PRDM11: variants seen among roughly 807,000 people sequenced by gnomAD.
The protein encoded by PRDM11 is PR domain-containing protein 11.
PRDM11 carries 20 observed loss-of-function variants against 97.8 expected under a neutral mutation model. The ratio of observed to expected loss-of-function variants is 0.20; its 90% CI spans 0.14 to 0.30. The LOEUF is 0.30. Ranked by LOEUF, PRDM11 falls within the 10% of genes least tolerant of loss-of-function variation. PRDM11 has a pLI of 1.00. For missense variants in PRDM11, 1,139 were observed against 1,555.2 expected (o/e 0.73, Z 4.50); for synonymous variants, 599 against 637.7 (o/e 0.94, Z 0.91).
intron 5 of PRDM11, chr11:45,209,311 C>A (rs3781705): frequency 0.36 from 128,665 of 353,512 alleles, 26,462 homozygotes; most frequent in Non-Finnish European, 0.45. Context: ...TATCACCAGT[C>A]CCCCCCGCCA....
At chr11:45,213,100 A>C (rs1201796028) in intron 5 of PRDM11, 2 of 455,454 alleles carry the variant, frequency 4.4e-6, no homozygotes, top group African/African-American at 4.0e-5. Context: ...TGGCCTCACA[A>C]CAGGGGCCAG....
chr11:45,139,568 C>CAAAAAAAAAA (rs10594529), intron 1 of PRDM11, among the ~76,000 whole-genome samples: 2 of 91,426 alleles, frequency 2.2e-5, no homozygotes, highest in Middle Eastern at 6.0e-3. Flanking sequence ...CTCCAACTCA[C>CAAAAAAAAAA]AAAAAAAAAA....
In PRDM11 at chr11:45,154,280, T is replaced by C. The variant is rs1468320284; in HGVS notation, c.-7+7403T>C. Among the ~76,000 whole-genome samples the C allele has an allele frequency of 5.3e-5, 8 of 152,250 alleles. No individual in the cohort carries two copies. The South Asian group carries it at 1.0e-3, about 20-fold the overall frequency. On this transcript the variant is annotated intron_variant, in intron 1 of 7. Coordinates refer to ENST00000683152, the MANE Select transcript of PRDM11 (RefSeq NM_001384648.1). ...CTGAGGCGGGAAGATCACTGGACCC[T>C]GGGAGATCGAGGCTGTGATGAGCTG...
chr11:45,182,208 A>T lies in PRDM11; in HGVS notation c.120-38A>T, dbSNP rs376996631. 7.0e-6 allele frequency: 11 copies of T among 1,580,582 alleles called. No homozygotes were observed. The African/African-American group carries it at 1.5e-4, about 21-fold the overall frequency. Reference sequence around the variant, plus strand: ...CCCACTGGGCTCTCACTCTCTGATGACTTCTTTGCTTTCTTTGCGGGCCTC... The same window carrying T: ...CCCACTGGGCTCTCACTCTCTGATGTCTTCTTTGCTTTCTTTGCGGGCCTC... On this transcript the variant is annotated intron_variant, in intron 2 of 7. Coordinates refer to ENST00000683152, the MANE Select transcript of PRDM11 (RefSeq NM_001384648.1).
At chr11:45,113,809 TGTGTG>T in intron 1 of PRDM11, among the ~76,000 whole-genome samples, 1 of 142,694 alleles carries the variant, frequency 7.0e-6, no homozygotes, top group South Asian at 2.2e-4. Flanking sequence ...TGTGTGTGTG[TGTGTG>T]TGTGTGTGTG....
chr11:45,230,899 T>C lies in PRDM11; in HGVS notation c.*2740T>C, dbSNP rs2135867289. ...AGAAGGGGAAAAGCTTATGGGCCAGTGCCAGTGCCTACCCTGTAGTTCCTG... is the reference window on the plus strand; with the variant it reads ...AGAAGGGGAAAAGCTTATGGGCCAGCGCCAGTGCCTACCCTGTAGTTCCTG... On this transcript the variant is annotated 3_prime_UTR_variant, in exon 8 of 8. Transcript: ENST00000683152. 1 of 152,414 alleles carries C rather than the reference T, an allele frequency of 6.6e-6. No individual in the cohort carries two copies. Among genetic ancestry groups the C allele is most frequent in the East Asian group, 1.9e-4 (1 of 5,178 alleles). 9.4% of individuals were successfully genotyped at this position (152,414 alleles called of 1,614,324 possible). A position where few individuals can be genotyped will look rare whatever the true frequency, so the allele number is the denominator to read the frequency against.
intron 5 of PRDM11, among the ~76,000 whole-genome samples, chr11:45,211,671 A>T (rs1853741456): frequency 1.3e-5 from 2 of 152,194 alleles, no homozygotes; most frequent in African/African-American, 4.8e-5. Context: ...TGCTGCAGTG[A>T]TTTAAAGATG....
rs1854404246 is a variant in PRDM11 at position 45,231,837 on chromosome 11, C to G, written c.*3678C>G. The G allele has an allele frequency of 6.6e-6, 1 of 152,070 alleles. No homozygotes were observed. Among genetic ancestry groups the G allele is most frequent in the Non-Finnish European group, 1.5e-5 (1 of 68,024 alleles). The allele number at this position is 152,070 out of a possible 1,614,324, so 9.4% of individuals were successfully genotyped here. A position where few individuals can be genotyped will look rare whatever the true frequency, so the allele number is the denominator to read the frequency against. ...AATATGAGAGTCCAGGCATCAGAAA[C>G]AGCAGCCTTATTTAATTTAATTTTT... On this transcript the variant is annotated 3_prime_UTR_variant, in exon 8 of 8. Coordinates refer to ENST00000683152, the MANE Select transcript of PRDM11 (RefSeq NM_001384648.1).
At chr11:45,216,481 G>A (rs1240665222) in intron 5 of PRDM11, among the ~76,000 whole-genome samples, 1 of 152,158 alleles carries the variant, frequency 6.6e-6, no homozygotes, top group Admixed American at 6.6e-5. Flanking sequence ...GTTCTGGGGG[G>A]TGGTCGAGCC....
At chr11:45,163,721 A>G (rs566748179) in intron 1 of PRDM11, among the ~76,000 whole-genome samples, 2 of 152,320 alleles carry the variant, frequency 1.3e-5, no homozygotes, top group East Asian at 1.9e-4. Context: ...AAGTGAGACT[A>G]TGGAGCTTGC....
chr11:45,145,099 G>A (rs190724713), upstream of PRDM11, among the ~76,000 whole-genome samples: 1 of 152,024 alleles, frequency 6.6e-6, no homozygotes, highest in Admixed American at 6.5e-5. Context: ...ACTGTCTCTT[G>A]AGCATCTACT....
chr11:45,212,840 C>T (rs1004307427), intron 5 of PRDM11: 7 of 447,306 alleles, frequency 1.6e-5, no homozygotes, highest in South Asian at 4.8e-5. Flanking sequence ...GCTGACCAGC[C>T]GTGTCGGTCA....
intron 7 of PRDM11, 98 bp from the exon 8 acceptor site, chr11:45,225,897 T>G: frequency 7.2e-7 from 1 of 1,381,606 alleles, no homozygotes. Flanking sequence ...CTGTTTCCCA[T>G]GGTGTGGCAC....
intron 1 of PRDM11, chr11:45,147,312 A>G (rs1468586822): frequency 6.7e-6 from 1 of 148,996 alleles, no homozygotes. Context: ...GCGGACGCCG[A>G]CGCCAGAGGG....
intron 5 of PRDM11, among the ~76,000 whole-genome samples, chr11:45,205,551 G>A (rs1422294045): frequency 6.6e-6 from 1 of 152,186 alleles, no homozygotes; most frequent in Non-Finnish European, 1.5e-5. Flanking sequence ...CTGGGTGGGA[G>A]GGGAAGGAAG....
chr11:45,231,772 C>T lies in PRDM11; in HGVS notation c.*3613C>T, dbSNP rs553842902. ...GGACAGCGCAGTCAAGTCTGTAACT[C>T]TTGCCATGTCAGAATCCCCAAGTTT... On this transcript the variant is annotated 3_prime_UTR_variant, in exon 8 of 8. Transcript: ENST00000683152. The T allele has an allele frequency of 1.1e-4, 17 of 152,014 alleles. 1 individual carries two copies. Among genetic ancestry groups the T allele is most frequent in the African/African-American group, 4.1e-4 (17 of 41,446 alleles). 9.4% of individuals were successfully genotyped at this position (152,014 alleles called of 1,614,324 possible). A position where few individuals can be genotyped will look rare whatever the true frequency, so the allele number is the denominator to read the frequency against.
At chr11:45,158,531 T>A (rs1565274425) in intron 1 of PRDM11, among the ~76,000 whole-genome samples, 1 of 151,882 alleles carries the variant, frequency 6.6e-6, no homozygotes, top group Non-Finnish European at 1.5e-5. Context: ...AAGGCAGGAG[T>A]TGTTGAGGTG....
chr11:45,099,211 G>A (rs1487801646), intron 1 of PRDM11, among the ~76,000 whole-genome samples: 2 of 152,060 alleles, frequency 1.3e-5, no homozygotes, highest in South Asian at 4.1e-4. Flanking sequence ...CTAGCACTTT[G>A]GGAGGCTGAG....
At chr11:45,182,014 C>T in intron 2 of PRDM11, 129 bp downstream of exon 2, 2 of 893,188 alleles carry the variant, frequency 2.2e-6, no homozygotes, top group Non-Finnish European at 3.4e-6. Context: ...CCCGGCAGCT[C>T]CTGGGCGCAG....
Sources: allele counts gnomAD v4.1 joint callset (sites outside exome capture counted in the v4.1 genomes callset), GRCh38; gene constraint gnomAD v4.1.1; transcripts MANE v1.5; gene names NCBI Gene and HGNC (gene_info 2026-07-23, HGNC 2026-07-21).